The following PPP1R12A variants were observed in gnomAD, a reference collection of about 807,000 sequenced individuals.
The protein encoded by PPP1R12A is myosin binding subunit.
PPP1R12A carries 19 observed loss-of-function variants against 139.6 expected under a neutral mutation model. The observed-to-expected ratio is 0.14, with a 90% CI of 0.09 to 0.20. The LOEUF (loss-of-function observed/expected upper bound fraction) is 0.20. Ranked by LOEUF, PPP1R12A falls within the 10% of genes least tolerant of loss-of-function variation. The pLI, the probability that PPP1R12A is intolerant of heterozygous loss-of-function variation, is 1.00. For missense variants in PPP1R12A, 925 were observed against 1,211.5 expected (o/e 0.76, Z 3.51); for synonymous variants, 427 against 420.6 (o/e 1.02, Z -0.19).
At chr12:79,899,236 ATATATATATATATATATATATATAT>A (rs1565805434) in intron 1 of PPP1R12A, among the ~76,000 whole-genome samples, 86 of 3,618 alleles carry the variant, frequency 0.024, 1 homozygote, top group Admixed American at 0.037. Flanking sequence ...TCTTAAAAAT[ATATATATATATATATATATATATAT>A]ATATATATAT....
chr12:79,867,743 G>C (rs1204279121), intron 2 of PPP1R12A, among the ~76,000 whole-genome samples: 1 of 152,154 alleles, frequency 6.6e-6, no homozygotes, highest in Non-Finnish European at 1.5e-5. Flanking sequence ...CCAGAGGGAG[G>C]TAATTGAATC....
intron 3 of PPP1R12A, 37 bp downstream of exon 3, chr12:79,845,265 T>C (rs1879243652): frequency 6.8e-7 from 1 of 1,460,498 alleles, no homozygotes; most frequent in Non-Finnish European, 9.5e-7. Context: ...ACATTCTTTC[T>C]AAAACATTTT....
chr12:79,820,685 G>C, intron 8 of PPP1R12A, 89 bp downstream of exon 8: 1 of 1,387,586 alleles, frequency 7.2e-7, no homozygotes, highest in East Asian at 2.3e-5. Context: ...TAGCAAATCA[G>C]TCTGAAAAAT....
intron 1 of PPP1R12A, among the ~76,000 whole-genome samples, chr12:79,902,460 TGATATTTTTATTTTAAAATTAAATGA>T (rs1385780952): frequency 6.6e-6 from 1 of 152,166 alleles, no homozygotes; most frequent in Non-Finnish European, 1.5e-5. Context: ...TGAAAAAAAG[TGATATTTTTATTTTAAAATTAAATGA>T]GATTCAGTTC....
chr12:79,923,633 T>G (rs923293051), intron 1 of PPP1R12A, among the ~76,000 whole-genome samples: 3 of 152,266 alleles, frequency 2.0e-5, no homozygotes, highest in Non-Finnish European at 4.4e-5. Context: ...TTTTATTTTT[T>G]ACATTTGTCT....
At chr12:79,806,428 A>C (rs1022182902) in intron 12 of PPP1R12A, 95 bp from the exon 13 acceptor site, 46 of 1,222,788 alleles carry the variant, frequency 3.8e-5, no homozygotes, top group Non-Finnish European at 5.1e-5. Context: ...CTAGAAAAAA[A>C]ATTTAAAAAC....
intron 1 of PPP1R12A, among the ~76,000 whole-genome samples, chr12:79,908,928 T>C (rs1565811074): frequency 6.6e-6 from 1 of 152,198 alleles, no homozygotes; most frequent in Non-Finnish European, 1.5e-5. Context: ...CCTGGATGCA[T>C]CCAGGAAGTT....
chr12:79,802,728 TATC>T (rs1347044017), intron 14 of PPP1R12A, among the ~76,000 whole-genome samples: 1 of 152,062 alleles, frequency 6.6e-6, no homozygotes, highest in Non-Finnish European at 1.5e-5. Flanking sequence ...CTGCAGAAGC[TATC>T]ATCACACCAC....
chr12:79,828,246 C>T, intron 5 of PPP1R12A, 74 bp downstream of exon 5: 3 of 1,285,744 alleles, frequency 2.3e-6, no homozygotes, highest in Non-Finnish European at 3.2e-6. Context: ...CCTTTTGAGA[C>T]TATATTTCTA....
chr12:79,775,946 T>C lies in PPP1R12A; in HGVS notation c.3076A>G (p.Ser1026Gly). 1 of 1,589,144 alleles carries C rather than the reference T, an allele frequency of 6.3e-7. No individual in the cohort carries two copies. Among genetic ancestry groups the C allele is most frequent in the South Asian group, 1.1e-5 (1 of 87,086 alleles). The part of the protein sequence containing the change: ...DENGALIRVI[S>G]KLSK ...TTTTTTTTTTATTTGGAAAGTTTGCTTATAACTCTGATCAAGGCCCCATTT... is the reference window on the plus strand; with the variant it reads ...TTTTTTTTTTATTTGGAAAGTTTGCCTATAACTCTGATCAAGGCCCCATTT... The change falls in exon 25 of 25, where the codon AGC (serine) becomes GGC (glycine). Residue 1026 changes from serine (S) to glycine (G), a missense_variant. Around this residue, in one of 4 missense-constraint regions of PPP1R12A, gnomAD observed 315 missense variants for 363.4 expected, o/e 0.87. Coordinates refer to ENST00000450142, the MANE Select transcript of PPP1R12A (RefSeq NM_002480.3).
At chr12:79,784,361 G>A (rs973207086) in intron 22 of PPP1R12A, among the ~76,000 whole-genome samples, 4 of 152,108 alleles carry the variant, frequency 2.6e-5, no homozygotes, top group African/African-American at 9.7e-5. Context: ...TACTTCTCTT[G>A]CCAGGTAACA....
intron 9 of PPP1R12A, among the ~76,000 whole-genome samples, chr12:79,815,306 G>A (rs77760315): frequency 2.6e-3 from 389 of 152,162 alleles, no homozygotes; most frequent in Non-Finnish European, 4.6e-3. Context: ...TTGGGTGGGC[G>A]GATCACAAGG....
chr12:79,815,910 T>C (rs1359334094), intron 9 of PPP1R12A, among the ~76,000 whole-genome samples: 2 of 152,218 alleles, frequency 1.3e-5, no homozygotes, highest in African/African-American at 4.8e-5. Context: ...CCAACACGTT[T>C]CTACCACTAA....
intron 1 of PPP1R12A, among the ~76,000 whole-genome samples, chr12:79,929,181 C>A (rs927287563): frequency 6.6e-6 from 1 of 152,142 alleles, no homozygotes; most frequent in Non-Finnish European, 1.5e-5. Flanking sequence ...CAATAGGGTC[C>A]GCACTCCTAT....
intron 5 of PPP1R12A, among the ~76,000 whole-genome samples, chr12:79,826,108 G>T (rs10778691): frequency 0.36 from 54,476 of 151,602 alleles, 17,082 homozygotes; most frequent in African/African-American, 0.8. Context: ...TCTTGAAAAA[G>T]AAAAGATGAG....
chr12:79,801,155 G>C (rs1346101821), intron 14 of PPP1R12A, among the ~76,000 whole-genome samples: 1 of 151,094 alleles, frequency 6.6e-6, no homozygotes. Context: ...AGACCAGCCT[G>C]ACCAACATGG....
At chr12:79,922,204 T>C (rs1424880804) in intron 1 of PPP1R12A, among the ~76,000 whole-genome samples, 1 of 152,148 alleles carries the variant, frequency 6.6e-6, no homozygotes, top group African/African-American at 2.4e-5. Context: ...GAAGCTGCAG[T>C]GAGCTGTGTT....
chr12:79,785,414 G>C (rs181762096), intron 22 of PPP1R12A, among the ~76,000 whole-genome samples: 28 of 152,206 alleles, frequency 1.8e-4, no homozygotes, highest in East Asian at 1.2e-3. Context: ...CAAACAGAAT[G>C]AACTTTTTTG....
At position 79,774,410 on chromosome 12, in the gene PPP1R12A, A is replaced by G. The variant is rs563470882; in HGVS notation, c.*1519T>C. The stretch of plus-strand genomic sequence containing the variant: ...GACCTTTTAAAATGAAGGGGTACAA[A>G]TTCACATTTAATATAGTATACAATA... On this transcript the variant is annotated 3_prime_UTR_variant, in exon 25 of 25. Transcript: ENST00000450142. 1 of 152,692 alleles carries G rather than the reference A, an allele frequency of 6.5e-6. No homozygotes were observed. Among genetic ancestry groups the G allele is most frequent in the South Asian group, 2.1e-4 (1 of 4,830 alleles). 9.5% of individuals were successfully genotyped at this position (152,692 alleles called of 1,614,324 possible).
Sources: allele counts gnomAD v4.1 joint callset (sites outside exome capture counted in the v4.1 genomes callset), GRCh38; gene constraint gnomAD v4.1.1; regional missense constraint gnomAD v4.1.1; transcripts MANE v1.5; gene names NCBI Gene and HGNC (gene_info 2026-07-23, HGNC 2026-07-21).